Variants in MTUS2 observed in about 807,000 individuals in gnomAD.
The protein encoded by MTUS2 is microtubule associated scaffold protein 2.
A neutral mutation model predicts 114.1 loss-of-function variants in MTUS2; 40 were observed. The ratio of observed to expected loss-of-function variants is 0.35; its 90% CI spans 0.27 to 0.46. The LOEUF is 0.46. MTUS2 is among the 20% of genes least tolerant of loss of function. MTUS2 has a pLI of 1.00. For synonymous variants in MTUS2, 688 were observed against 672.0 expected (o/e 1.02, Z -0.37); for missense variants, 1,679 against 1,705.4 (o/e 0.98, Z 0.27).
chr13:29,036,375 C>T (rs1490055341), intron 4 of MTUS2, among the ~76,000 whole-genome samples: 1 of 152,052 alleles, frequency 6.6e-6, no homozygotes, highest in African/African-American at 2.4e-5. Context: ...ATGTTTTAGC[C>T]CAAATCTCAA....
chr13:29,451,395 C>A (rs1276112753), intron 9 of MTUS2, among the ~76,000 whole-genome samples: 1 of 152,066 alleles, frequency 6.6e-6, no homozygotes, highest in Non-Finnish European at 1.5e-5. Context: ...AATAAAAACA[C>A]AACATATCAA....
intron 5 of MTUS2, among the ~76,000 whole-genome samples, chr13:29,133,666 A>T (rs1466395356): frequency 6.6e-6 from 1 of 152,172 alleles, no homozygotes; most frequent in Non-Finnish European, 1.5e-5. Context: ...CCATAAATGT[A>T]AGGGTTTACT....
In MTUS2 at chr13:29,167,113, G is replaced by A. The variant is rs148140666; in HGVS notation, c.2644+66143G>A. Among the ~76,000 whole-genome samples the A allele has an allele frequency of 6.1e-3, 927 of 152,274 alleles. 15 individuals carry two copies. Among genetic ancestry groups the A allele is most frequent in the East Asian group, 0.043 (223 of 5,178 alleles). On this transcript the variant is annotated intron_variant, in intron 5 of 15. Coordinates refer to ENST00000612955, the MANE Select transcript of MTUS2 (RefSeq NM_001033602.4). ...TTTCTGGCTGGGCACGGTGGCTCAC[G>A]CCTGTAATCCCAGCACTTTGGGAGG...
chr13:29,105,307 A>C (rs1160667347), intron 5 of MTUS2, among the ~76,000 whole-genome samples: 2 of 152,220 alleles, frequency 1.3e-5, no homozygotes, highest in Non-Finnish European at 2.9e-5. Flanking sequence ...CAAAATCTTT[A>C]GGAACATGTG....
intron 5 of MTUS2, among the ~76,000 whole-genome samples, chr13:29,238,128 A>G (rs1251906461): frequency 1.3e-5 from 2 of 152,190 alleles, no homozygotes; most frequent in African/African-American, 2.4e-5. Context: ...TCATCACAGC[A>G]TTGTTCACAA....
chr13:29,171,911 A>C (rs751817177), intron 5 of MTUS2, among the ~76,000 whole-genome samples: 1 of 152,206 alleles, frequency 6.6e-6, no homozygotes, highest in Non-Finnish European at 1.5e-5. Context: ...TATGCACACT[A>C]TAGTTCTACT....
At chr13:29,258,552 A>G (rs531250856) in intron 5 of MTUS2, among the ~76,000 whole-genome samples, 33 of 152,326 alleles carry the variant, frequency 2.2e-4, no homozygotes, top group African/African-American at 7.7e-4. Context: ...TTTGGGAGAC[A>G]TCCTAGCATA....
chr13:29,192,537 G>A (rs1013857260), intron 5 of MTUS2, among the ~76,000 whole-genome samples: 1 of 151,812 alleles, frequency 6.6e-6, no homozygotes, highest in Non-Finnish European at 1.5e-5. Context: ...CAAATAGAAG[G>A]AAGATAGTAA....
At chr13:29,491,118 G>A (rs1882039645) in intron 11 of MTUS2, among the ~76,000 whole-genome samples, 1 of 150,632 alleles carries the variant, frequency 6.6e-6, no homozygotes, top group Non-Finnish European at 1.5e-5. Flanking sequence ...TGTGTGCAGT[G>A]TGTGGGTGTG....
chr13:28,827,375 C>G (rs1259999676), intron 1 of MTUS2, among the ~76,000 whole-genome samples: 1 of 151,988 alleles, frequency 6.6e-6, no homozygotes, highest in Non-Finnish European at 1.5e-5. Context: ...GCTAATTTGC[C>G]ACTACTAGCA....
intron 9 of MTUS2, among the ~76,000 whole-genome samples, chr13:29,461,579 G>C (rs1414843292): frequency 6.6e-6 from 1 of 152,216 alleles, no homozygotes; most frequent in Admixed American, 6.5e-5. Flanking sequence ...GTTCCACTCT[G>C]TTCTCACTGG....
Position 29,100,669 on chromosome 13 carries a change from T to C in MTUS2, c.2447-104T>C. 3 of 1,299,934 alleles carry C rather than the reference T, an allele frequency of 2.3e-6. No homozygotes were observed. In the East Asian group the frequency reaches 7.6e-5, roughly 33 times the overall value. The allele number at this position is 1,299,934 out of a possible 1,614,324, so 80.5% of individuals were successfully genotyped here. A position where few individuals can be genotyped will look rare whatever the true frequency, so the allele number is the denominator to read the frequency against. The stretch of plus-strand genomic sequence containing the variant: ...GAATCAAACCTTGCAAGATTAATTT[T>C]AGTCTGTTTATGATAGAACTGGGTT... On this transcript the variant is annotated intron_variant, in intron 4 of 15. Transcript: ENST00000612955.
intron 5 of MTUS2, among the ~76,000 whole-genome samples, chr13:29,237,302 C>T (rs1896570058): frequency 6.6e-6 from 1 of 152,196 alleles, no homozygotes; most frequent in African/African-American, 2.4e-5. Flanking sequence ...CCTACCAGAG[C>T]TCCAGGGAGC....
chr13:29,257,005 G>C (rs965966370), intron 5 of MTUS2, among the ~76,000 whole-genome samples: 5 of 152,136 alleles, frequency 3.3e-5, no homozygotes. Flanking sequence ...GTGGACCTCG[G>C]TATTCTTTAC....
chr13:28,894,039 T>C (rs1318005824), intron 2 of MTUS2, among the ~76,000 whole-genome samples: 1 of 151,878 alleles, frequency 6.6e-6, no homozygotes, highest in Non-Finnish European at 1.5e-5. Flanking sequence ...CATTTTGCTC[T>C]TCAGGGTCTG....
chr13:28,936,470 G>A (rs531873002), intron 2 of MTUS2, among the ~76,000 whole-genome samples: 2 of 152,270 alleles, frequency 1.3e-5, no homozygotes, highest in Admixed American at 1.3e-4. Flanking sequence ...GGCAGCGGTG[G>A]TGCTGGCCTC....
At chr13:29,145,969 C>G (rs1224109304) in intron 5 of MTUS2, among the ~76,000 whole-genome samples, 3 of 152,180 alleles carry the variant, frequency 2.0e-5, no homozygotes, top group Non-Finnish European at 1.5e-5. Flanking sequence ...GTGCACCTGA[C>G]TCAGCCAACA....
chr13:29,408,893 CT>C (rs776070312), intron 8 of MTUS2, among the ~76,000 whole-genome samples: 10 of 152,294 alleles, frequency 6.6e-5, no homozygotes, highest in Middle Eastern at 3.4e-3. Flanking sequence ...GTCCAATTTG[CT>C]TATTTTTAAC....
intron 8 of MTUS2, among the ~76,000 whole-genome samples, chr13:29,439,178 A>AC (rs1877644528): frequency 6.6e-6 from 1 of 152,220 alleles, no homozygotes; most frequent in Non-Finnish European, 1.5e-5. Context: ...AAACTTGAAG[A>AC]GAATTTATAT....
Sources: gnomAD v4.1 joint callset for allele counts (sites outside exome capture counted in the v4.1 genomes callset) on GRCh38, gnomAD v4.1.1 for gene constraint, MANE v1.5 for transcripts, NCBI Gene and HGNC (gene_info 2026-07-23, HGNC 2026-07-21) for gene names.